The following REC114 variants were observed in gnomAD, a reference collection of about 807,000 sequenced individuals.
REC114 encodes meiotic recombination protein REC114.
Under a neutral mutation model 31.3 loss-of-function variants are expected in REC114, and 27 were observed. That is an observed-to-expected ratio of 0.86 (90% CI 0.64 to 1.19). The LOEUF is 1.19. Among genes scored for constraint, REC114 ranks in the 50% most tolerant of loss-of-function variants. The pLI, the probability that REC114 is intolerant of heterozygous loss-of-function variation, is 0.00. For synonymous variants in REC114, 134 were observed against 127.7 expected, an observed-to-expected ratio of 1.05 and a Z score of -0.33; for missense variants, 344 against 326.9, an observed-to-expected ratio of 1.05 and a Z score of -0.40.
At chr15:73,544,768 C>A (rs1894285989) in intron 3 of REC114, among the ~76,000 whole-genome samples, 1 of 152,186 alleles carries the variant, frequency 6.6e-6, no homozygotes, top group South Asian at 2.1e-4. Context: ...CTGTTTAAGA[C>A]CTTTTTCTGT....
At chr15:73,491,763 G>C (rs550989287) in intron 2 of REC114, among the ~76,000 whole-genome samples, 1 of 152,016 alleles carries the variant, frequency 6.6e-6, no homozygotes, top group Non-Finnish European at 1.5e-5. Flanking sequence ...AGCCAGGCCC[G>C]GTGGCACATG....
At chr15:73,462,754 G>A (rs567326889) in intron 1 of REC114, among the ~76,000 whole-genome samples, 1 of 151,776 alleles carries the variant, frequency 6.6e-6, no homozygotes, top group Admixed American at 6.6e-5. Flanking sequence ...GCATGGTAGC[G>A]GGCACCTGTA....
chr15:73,509,249 A>C (rs1052453302), intron 2 of REC114, among the ~76,000 whole-genome samples: 3 of 149,132 alleles, frequency 2.0e-5, no homozygotes, highest in South Asian at 2.1e-4. Flanking sequence ...TCTTCTTTTG[A>C]GAAGTGTCTG....
intron 2 of REC114, among the ~76,000 whole-genome samples, chr15:73,515,350 A>G (rs1893842972): frequency 6.6e-6 from 1 of 152,248 alleles, no homozygotes; most frequent in East Asian, 1.9e-4. Context: ...TATTTTTAAA[A>G]TAAAAATGTT....
intron 2 of REC114, among the ~76,000 whole-genome samples, chr15:73,518,974 A>G (rs1893899970): frequency 6.6e-6 from 1 of 152,234 alleles, no homozygotes. Context: ...AAACAAGCCC[A>G]TGAAAAATGT....
At chr15:73,498,532 TCAG>T (rs2141306711) in intron 2 of REC114, among the ~76,000 whole-genome samples, 3 of 152,298 alleles carry the variant, frequency 2.0e-5, no homozygotes, top group African/African-American at 7.2e-5. Context: ...TTTCCTGACT[TCAG>T]CAGTTATCAG....
chr15:73,552,426 T>C (rs1894405916), intron 4 of REC114, among the ~76,000 whole-genome samples: 1 of 152,250 alleles, frequency 6.6e-6, no homozygotes, highest in South Asian at 2.1e-4. Flanking sequence ...GAAAAGTTAT[T>C]TTCCATAAAA....
Position 73,473,821 on chromosome 15 carries a change from T to A in REC114, c.160-11T>A. 2 of 1,494,014 alleles carry A rather than the reference T, an allele frequency of 1.3e-6. No individual in the cohort carries two copies. Among genetic ancestry groups the A allele is most frequent in the Non-Finnish European group, 9.2e-7 (1 of 1,091,538 alleles). The allele number at this position is 1,494,014 out of a possible 1,614,324, so 92.5% of individuals were successfully genotyped here. On this transcript the variant is annotated splice_polypyrimidine_tract_variant and intron_variant, in intron 1 of 5. Coordinates refer to ENST00000331090, the MANE Select transcript of REC114 (RefSeq NM_001042367.2). ...TATCTTTTACATATTTTTCTCCTTC[T>A]CCCTTTCAAGGTTTTTGATTCCAAT...
At chr15:73,488,357 T>C (rs1488042498) in intron 2 of REC114, among the ~76,000 whole-genome samples, 5 of 152,258 alleles carry the variant, frequency 3.3e-5, no homozygotes, top group African/African-American at 1.2e-4. Flanking sequence ...CAAACACTCT[T>C]TTATATTCTT....
chr15:73,483,293 A>T (rs1366285681), intron 2 of REC114: 1 of 155,724 alleles, frequency 6.4e-6, no homozygotes. Context: ...CTGCTGCTGC[A>T]ACTTTTAAAG....
chr15:73,517,985 G>A (rs528496657), intron 2 of REC114, among the ~76,000 whole-genome samples: 107 of 152,306 alleles, frequency 7.0e-4, no homozygotes, highest in Non-Finnish European at 1.0e-3. Flanking sequence ...CAAGACAAAT[G>A]TTTCACAAAG....
chr15:73,499,859 G>A (rs1382253737), intron 2 of REC114, among the ~76,000 whole-genome samples: 1 of 152,020 alleles, frequency 6.6e-6, no homozygotes, highest in Non-Finnish European at 1.5e-5. Flanking sequence ...TGCTTGGCGT[G>A]TTATTGTATT....
chr15:73,458,864 T>A (rs1012314598), intron 1 of REC114, among the ~76,000 whole-genome samples: 2 of 152,216 alleles, frequency 1.3e-5, no homozygotes, highest in Non-Finnish European at 2.9e-5. Flanking sequence ...CAAGTTCATA[T>A]GTCTAGCTAA....
intron 2 of REC114, among the ~76,000 whole-genome samples, chr15:73,502,592 A>AT (rs1893617800): frequency 2.0e-5 from 3 of 152,284 alleles, no homozygotes; most frequent in African/African-American, 7.2e-5. Flanking sequence ...CATTGTCATC[A>AT]TCTTCATATT....
intron 3 of REC114, among the ~76,000 whole-genome samples, chr15:73,541,650 G>A (rs1894238159): frequency 6.6e-6 from 1 of 152,142 alleles, no homozygotes; most frequent in Non-Finnish European, 1.5e-5. Context: ...CCCCTGTTTT[G>A]TTTCCCATAT....
At chr15:73,493,791 G>T (rs767762516) in intron 2 of REC114, among the ~76,000 whole-genome samples, 1 of 152,304 alleles carries the variant, frequency 6.6e-6, no homozygotes, top group East Asian at 1.9e-4. Flanking sequence ...GTTGAATACT[G>T]TAGTTATTCA....
Position 73,550,285 on chromosome 15 carries a change from A to C in REC114, c.334-653A>C, listed in dbSNP as rs190097387. 2.9e-3 allele frequency among the ~76,000 whole-genome samples: 443 copies of C among 152,282 alleles called. 2 individuals are homozygous for C. Among genetic ancestry groups the C allele is most frequent in the Middle Eastern group, 0.014 (4 of 292 alleles). On this transcript the variant is annotated intron_variant, in intron 3 of 5. Transcript: ENST00000331090. Reference sequence around the variant, plus strand: ...CAAATAAGTTTGATGTAGTTGACAGATTTTTAAAATTTTTTAATTGCATCT... The same window carrying C: ...CAAATAAGTTTGATGTAGTTGACAGCTTTTTAAAATTTTTTAATTGCATCT...
intron 1 of REC114, among the ~76,000 whole-genome samples, chr15:73,447,948 G>C (rs767123016): frequency 1.3e-5 from 2 of 152,130 alleles, no homozygotes; most frequent in Non-Finnish European, 2.9e-5. Context: ...TGGGAGGAAT[G>C]GTGCACAGAT....
chr15:73,551,558 G>A (rs1894393238), intron 4 of REC114, among the ~76,000 whole-genome samples: 2 of 152,184 alleles, frequency 1.3e-5, no homozygotes, highest in African/African-American at 4.8e-5. Flanking sequence ...TCAGGCAGTG[G>A]CACCAAACTG....
Sources: allele counts gnomAD v4.1 joint callset (sites outside exome capture counted in the v4.1 genomes callset), GRCh38; gene constraint gnomAD v4.1.1; transcripts MANE v1.5; gene names NCBI Gene and HGNC (gene_info 2026-07-23, HGNC 2026-07-21).